The following GMDS variants were observed in gnomAD, a reference collection of about 807,000 sequenced individuals.
GMDS encodes the protein GDP-mannose 4,6-dehydratase.
In GMDS, 20 loss-of-function variants were observed where a neutral mutation model predicts 49.9. That is an observed-to-expected ratio of 0.40 (90% CI 0.28 to 0.58). The LOEUF (loss-of-function observed/expected upper bound fraction) is 0.58. Ranked by LOEUF, GMDS falls within the 20% of genes least tolerant of loss-of-function variation. The probability of loss-of-function intolerance (pLI) is 0.42; values close to 1 mark genes in which losing one functional copy is unlikely to be tolerated. For missense variants in GMDS, 362 were observed against 481.4 expected (o/e 0.75, Z 2.32); for synonymous variants, 177 against 178.6 (o/e 0.99, Z 0.07).
intron 4 of GMDS, among the ~76,000 whole-genome samples, chr6:2,105,041 G>A (rs1208393838): frequency 6.6e-6 from 1 of 151,996 alleles, no homozygotes; most frequent in Non-Finnish European, 1.5e-5. Flanking sequence ...AATTAGCCAG[G>A]TGTGGTGGCA....
intron 4 of GMDS, among the ~76,000 whole-genome samples, chr6:2,093,066 A>G (rs1378255429): frequency 6.6e-6 from 1 of 152,200 alleles, no homozygotes; most frequent in Non-Finnish European, 1.5e-5. Context: ...TGCCAAAACT[A>G]TAAAAGTAAG....
intron 7 of GMDS, among the ~76,000 whole-genome samples, chr6:1,749,609 A>AT (rs1767645036): frequency 1.3e-5 from 2 of 151,940 alleles, no homozygotes; most frequent in Non-Finnish European, 2.9e-5. Flanking sequence ...AAAATTAAAC[A>AT]TAAAAAAAAG....
intron 4 of GMDS, among the ~76,000 whole-genome samples, chr6:2,110,574 C>T (rs62392576): frequency 0.034 from 5,236 of 152,182 alleles, 137 homozygotes; most frequent in Non-Finnish European, 0.05. Context: ...AGCTTGAAGT[C>T]CCACGTGGAG....
intron 4 of GMDS, among the ~76,000 whole-genome samples, chr6:2,078,339 C>T (rs767655731): frequency 1.3e-5 from 2 of 151,890 alleles, no homozygotes; most frequent in Non-Finnish European, 2.9e-5. Flanking sequence ...TCTTGCTTTT[C>T]TAGTTTCTTG....
chr6:2,010,320 C>T (rs1157715210), intron 4 of GMDS, among the ~76,000 whole-genome samples: 1 of 136,780 alleles, frequency 7.3e-6, no homozygotes. Context: ...TAGCAAGACT[C>T]CATCTCAAAA....
intron 4 of GMDS, among the ~76,000 whole-genome samples, chr6:1,999,961 ATATATATATT>A (rs1766595136): frequency 9.4e-5 from 2 of 21,308 alleles, no homozygotes; most frequent in East Asian, 1.3e-3. Context: ...TATGTATATT[ATATATATATT>A]ATATATATAT....
chr6:1,702,236 T>C (rs1002370772), intron 9 of GMDS, among the ~76,000 whole-genome samples: 1 of 152,248 alleles, frequency 6.6e-6, no homozygotes, highest in Non-Finnish European at 1.5e-5. Flanking sequence ...TAGAGAGCCT[T>C]GGAGAGAATT....
intron 9 of GMDS, among the ~76,000 whole-genome samples, chr6:1,667,369 C>A (rs1764267866): frequency 6.6e-6 from 1 of 152,172 alleles, no homozygotes; most frequent in South Asian, 2.1e-4. Context: ...CATGCTGAAA[C>A]CTGAGTGGTT....
chr6:1,675,843 ACT>A (rs1181048418), intron 9 of GMDS, among the ~76,000 whole-genome samples: 1 of 141,244 alleles, frequency 7.1e-6, no homozygotes, highest in Non-Finnish European at 1.6e-5. Context: ...ACACAGTGAG[ACT>A]CTGTCTCAAA....
chr6:1,953,447 T>C (rs1763464478), intron 6 of GMDS, among the ~76,000 whole-genome samples: 1 of 152,244 alleles, frequency 6.6e-6, no homozygotes, highest in South Asian at 2.1e-4. Flanking sequence ...GAAGGTAGAA[T>C]GTATTTTTTG....
In GMDS at chr6:1,743,407, G is replaced by C. The variant is rs182303872; in HGVS notation, c.772-821C>G. ...ATACAAAAAAAATTAGCCGGGCGTGGTGGGGGGCGCCTGTAGTCCCAGCTA... is the reference window on the plus strand; with the variant it reads ...ATACAAAAAAAATTAGCCGGGCGTGCTGGGGGGCGCCTGTAGTCCCAGCTA... On this transcript the variant is annotated intron_variant, in intron 7 of 10. Coordinates refer to ENST00000380815, the MANE Select transcript of GMDS (RefSeq NM_001500.4). Among the ~76,000 whole-genome samples, 717 of 151,280 alleles carry C rather than the reference G, an allele frequency of 4.7e-3. 9 individuals are homozygous for C. The highest frequency in any genetic ancestry group is 0.017 in the African/African-American group (682 of 41,328).
chr6:1,945,242 T>C (rs1763024615), intron 6 of GMDS, among the ~76,000 whole-genome samples: 1 of 152,022 alleles, frequency 6.6e-6, no homozygotes, highest in Non-Finnish European at 1.5e-5. Context: ...ATCATATCTA[T>C]AACTTTTTGA....
rs541880189 is a variant in GMDS at position 2,072,441 on chromosome 6, G to T, written c.345+43330C>A. 9.2e-5 allele frequency among the ~76,000 whole-genome samples: 14 copies of T among 152,112 alleles called. 1 individual carries two copies. The East Asian group carries it at 1.7e-3, about 19-fold the overall frequency. ...TAAAACTGATCAAACATGGATTATT[G>T]CTCCAAAATATGCTGGAATTTCCAA... On this transcript the variant is annotated intron_variant, in intron 4 of 10. Coordinates refer to ENST00000380815, the MANE Select transcript of GMDS (RefSeq NM_001500.4).
At chr6:1,916,219 C>T (rs1403952199) in intron 7 of GMDS, among the ~76,000 whole-genome samples, 2 of 151,940 alleles carry the variant, frequency 1.3e-5, no homozygotes, top group South Asian at 2.1e-4. Flanking sequence ...CCAGCAGCCA[C>T]CTAGTTACAA....
At chr6:2,220,487 A>G (rs1051293458) in intron 1 of GMDS, among the ~76,000 whole-genome samples, 37 of 152,198 alleles carry the variant, frequency 2.4e-4, no homozygotes, top group Middle Eastern at 3.2e-3. Context: ...ATAATTGCTT[A>G]TACGTAGCAT....
chr6:1,839,953 T>C (rs1757086856), intron 7 of GMDS, among the ~76,000 whole-genome samples: 1 of 152,236 alleles, frequency 6.6e-6, no homozygotes, highest in Non-Finnish European at 1.5e-5. Flanking sequence ...TTTCATTTGT[T>C]TGAAATCAAC....
intron 1 of GMDS, among the ~76,000 whole-genome samples, chr6:2,219,968 T>C (rs1331955047): frequency 6.6e-6 from 1 of 152,202 alleles, no homozygotes; most frequent in Non-Finnish European, 1.5e-5. Context: ...CAACCTATAA[T>C]GGTGACAATG....
chr6:1,924,160 G>A (rs1047822399), intron 7 of GMDS, among the ~76,000 whole-genome samples: 1 of 152,178 alleles, frequency 6.6e-6, no homozygotes, highest in African/African-American at 2.4e-5. Flanking sequence ...GTCTTCAAAA[G>A]TTTCTGGCAT....
At chr6:2,103,785 T>G (rs940942541) in intron 4 of GMDS, among the ~76,000 whole-genome samples, 1 of 152,240 alleles carries the variant, frequency 6.6e-6, no homozygotes, top group Non-Finnish European at 1.5e-5. Flanking sequence ...ACATATTAAA[T>G]ATTAATTATA....
Sources: gnomAD v4.1 joint callset for allele counts (sites outside exome capture counted in the v4.1 genomes callset) on GRCh38, gnomAD v4.1.1 for gene constraint, MANE v1.5 for transcripts, NCBI Gene and HGNC (gene_info 2026-07-23, HGNC 2026-07-21) for gene names.